The following ARL15 variants were observed in gnomAD, a reference collection of about 807,000 sequenced individuals.
ARL15 encodes ADP-ribosylation factor-like protein 15.
Under a neutral mutation model 25.2 loss-of-function variants are expected in ARL15, and 19 were observed. That is an observed-to-expected ratio of 0.75 (90% CI 0.53 to 1.10). The LOEUF (loss-of-function observed/expected upper bound fraction) is 1.10, where lower values mean the gene tolerates loss of function less well. Ranked by LOEUF, ARL15 falls within the 50% of genes least tolerant of loss-of-function variation. ARL15 has a pLI of 0.00. For synonymous variants in ARL15, 94 were observed against 86.8 expected (o/e 1.08, Z -0.46); for missense variants, 220 against 246.0 (o/e 0.89, Z 0.71).
chr5:54,051,470 T>C (rs1750699647), intron 4 of ARL15, among the ~76,000 whole-genome samples: 1 of 152,168 alleles, frequency 6.6e-6, no homozygotes, highest in African/African-American at 2.4e-5. Context: ...GTAACAAATA[T>C]AAATTGCAGA....
chr5:54,252,487 T>C (rs1298146666), intron 1 of ARL15, among the ~76,000 whole-genome samples: 5 of 152,180 alleles, frequency 3.3e-5, no homozygotes, highest in African/African-American at 4.8e-5. Flanking sequence ...AACAAGTCTT[T>C]AATAAAGATA....
chr5:53,910,565 T>G (rs1456876170), intron 4 of ARL15, among the ~76,000 whole-genome samples: 1 of 148,656 alleles, frequency 6.7e-6, no homozygotes, highest in Admixed American at 6.8e-5. Flanking sequence ...ATGGCACATG[T>G]GTACCTATGT....
At chr5:54,067,723 A>G (rs998606830) in intron 4 of ARL15, among the ~76,000 whole-genome samples, 5 of 152,212 alleles carry the variant, frequency 3.3e-5, no homozygotes, top group African/African-American at 1.2e-4. Flanking sequence ...TCCAGTAAAC[A>G]GCACATTGCC....
chr5:53,891,353 T>G (rs1744701840), intron 4 of ARL15, among the ~76,000 whole-genome samples: 1 of 152,188 alleles, frequency 6.6e-6, no homozygotes, highest in South Asian at 2.1e-4. Flanking sequence ...TTGTGAGACA[T>G]GGAGAGCCAG....
intron 4 of ARL15, among the ~76,000 whole-genome samples, chr5:54,022,033 T>C (rs1485852812): frequency 1.3e-5 from 2 of 152,142 alleles, no homozygotes; most frequent in African/African-American, 4.8e-5. Flanking sequence ...AGAATCTGAT[T>C]CTCAGTGAAA....
rs35235754 is a variant in ARL15 at position 53,886,072 on chromosome 5, C to CA, written c.*488dup. The CA allele has an allele frequency of 0.18, 23,192 of 130,758 alleles. 1,925 individuals carry two copies. Among genetic ancestry groups the CA allele is most frequent in the Middle Eastern group, 0.2 (51 of 254 alleles). The allele number at this position is 130,758 out of a possible 1,614,324, so 8.1% of individuals were successfully genotyped here. On this transcript the variant is annotated 3_prime_UTR_variant, in exon 5 of 5. Coordinates refer to ENST00000504924, the MANE Select transcript of ARL15 (RefSeq NM_019087.3). Reference sequence around the variant, plus strand: ...CTCATAGTCTATAAGCTCAGTATACCAAAAAAAAAAAAAAATTAGATAAAA... The same window carrying CA: ...CTCATAGTCTATAAGCTCAGTATACCAAAAAAAAAAAAAAAATTAGATAAAA...
At chr5:54,118,801 G>C (rs1364800175) in intron 3 of ARL15, among the ~76,000 whole-genome samples, 1 of 152,094 alleles carries the variant, frequency 6.6e-6, no homozygotes, top group Non-Finnish European at 1.5e-5. Context: ...TTACTGAATT[G>C]TGTGTTGCCC....
chr5:54,122,573 A>T (rs62370405), intron 3 of ARL15, among the ~76,000 whole-genome samples: 4,222 of 152,352 alleles, frequency 0.028, 98 homozygotes, highest in Non-Finnish European at 0.043. Context: ...AGCATAGATA[A>T]CCAAAAATTG....
intron 3 of ARL15, among the ~76,000 whole-genome samples, chr5:54,134,178 C>T (rs1258104974): frequency 1.3e-5 from 2 of 152,150 alleles, no homozygotes; most frequent in South Asian, 4.1e-4. Flanking sequence ...TTGTGAACCA[C>T]CATGGGTTCA....
At chr5:54,085,954 G>T (rs569247790) in intron 4 of ARL15, among the ~76,000 whole-genome samples, 1 of 148,086 alleles carries the variant, frequency 6.8e-6, no homozygotes, top group South Asian at 2.1e-4. Flanking sequence ...CACTCTTTTT[G>T]CCCAGGCTGG....
At chr5:54,095,323 C>A (rs1459067065) in intron 4 of ARL15, among the ~76,000 whole-genome samples, 2 of 152,138 alleles carry the variant, frequency 1.3e-5, no homozygotes, top group Admixed American at 6.5e-5. Flanking sequence ...ATTTATAGTT[C>A]TTTTTAGAAT....
chr5:54,103,857 G>A (rs1289070200), intron 4 of ARL15, among the ~76,000 whole-genome samples: 1 of 152,136 alleles, frequency 6.6e-6, no homozygotes, highest in Non-Finnish European at 1.5e-5. Context: ...TGTGATTTTC[G>A]TATTTGTGCT....
chr5:53,944,438 T>G (rs1307892406), intron 4 of ARL15, among the ~76,000 whole-genome samples: 1 of 151,840 alleles, frequency 6.6e-6, no homozygotes, highest in African/African-American at 2.4e-5. Flanking sequence ...CGGTGAAACT[T>G]CATCTCTACA....
intron 2 of ARL15, among the ~76,000 whole-genome samples, chr5:54,163,355 GCTTTTTTTTTTTTTTTT>G (rs1426254841): frequency 0.25 from 12,862 of 51,056 alleles, 1,603 homozygotes; most frequent in Admixed American, 0.42. Context: ...TTGGTATGAA[GCTTTTTTTTTTTTTTTT>G]TTTTTTTTTT....
At position 54,087,736 on chromosome 5, in the gene ARL15, G is replaced by A. The variant is rs187514274; in HGVS notation, c.462+25466C>T. On this transcript the variant is annotated intron_variant, in intron 4 of 4. Coordinates refer to ENST00000504924, the MANE Select transcript of ARL15 (RefSeq NM_019087.3). ...ACAGGAAACAAAAATGAAACTAAATGGCTCCAAATATATATATATATTTGA... is the reference window on the plus strand; with the variant it reads ...ACAGGAAACAAAAATGAAACTAAATAGCTCCAAATATATATATATATTTGA... Among the ~76,000 whole-genome samples the A allele has an allele frequency of 5.7e-4, 10 of 17,554 alleles. No individual in the cohort carries two copies. The Admixed American group carries it at 7.8e-3, about 14-fold the overall frequency. 11.5% of individuals were successfully genotyped at this position (17,554 alleles called of 152,430 possible).
chr5:53,963,511 T>C (rs1204090759), intron 4 of ARL15, among the ~76,000 whole-genome samples: 6 of 152,150 alleles, frequency 3.9e-5, no homozygotes, highest in Non-Finnish European at 8.8e-5. Flanking sequence ...AAATTGACTC[T>C]AAAATATAAC....
intron 4 of ARL15, among the ~76,000 whole-genome samples, chr5:54,014,901 T>C (rs971738482): frequency 5.3e-5 from 8 of 152,124 alleles, no homozygotes; most frequent in Non-Finnish European, 8.8e-5. Flanking sequence ...TTGTGTGCCT[T>C]TTCTCTTCAT....
chr5:54,210,393 C>T (rs1033073931), intron 1 of ARL15, among the ~76,000 whole-genome samples: 16 of 152,106 alleles, frequency 1.1e-4, no homozygotes, highest in African/African-American at 2.4e-4. Flanking sequence ...CAATTTGCTC[C>T]GAATATTCTC....
At chr5:54,015,587 C>A (rs1050152922) in intron 4 of ARL15, among the ~76,000 whole-genome samples, 5 of 152,130 alleles carry the variant, frequency 3.3e-5, no homozygotes, top group African/African-American at 4.8e-5. Flanking sequence ...AATAATGTTA[C>A]CTTAATCATT....
Sources: gnomAD v4.1 joint callset for allele counts (sites outside exome capture counted in the v4.1 genomes callset) on GRCh38, gnomAD v4.1.1 for gene constraint, MANE v1.5 for transcripts, NCBI Gene and HGNC (gene_info 2026-07-23, HGNC 2026-07-21) for gene names.